TGOLN2: variants seen among roughly 807,000 people sequenced by gnomAD.
TGOLN2 encodes the protein trans-Golgi network integral membrane protein 2.
A neutral mutation model predicts 31.3 loss-of-function variants in TGOLN2; 19 were observed. The observed-to-expected ratio is 0.61, with a 90% CI of 0.42 to 0.89. The LOEUF is 0.89. Ranked by LOEUF, TGOLN2 falls within the 40% of genes least tolerant of loss-of-function variation. The pLI, the probability that TGOLN2 is intolerant of heterozygous loss-of-function variation, is 0.00. For missense variants in TGOLN2, 540 were observed against 559.2 expected, an observed-to-expected ratio of 0.97 and a Z score of 0.35; for synonymous variants, 222 against 226.7, an observed-to-expected ratio of 0.98 and a Z score of 0.19.
chr2:85,326,778 A>G lies in TGOLN2; in HGVS notation c.954T>C (p.Thr318=), dbSNP rs1682748052. ...CAGCCTCTTTGGGCTCCACATCCTC[A>G]GTAGGCTCTGAAGACTTAACTTCCT... ...PQEEVKSSEP[T]EDVEPKEAED... The change falls in exon 2 of 4, where the codon ACT becomes ACC. Residue 318 remains threonine (T), a synonymous_variant. Coordinates refer to ENST00000377386, the MANE Select transcript of TGOLN2 (RefSeq NM_006464.4). 3.1e-6 allele frequency: 5 copies of G among 1,613,860 alleles called. No homozygotes were observed. The highest frequency in any genetic ancestry group is 1.3e-5 in the African/African-American group (1 of 74,904).
chr2:85,327,794 G>A (rs1385560096), intron 1 of TGOLN2, 109 bp from the exon 2 acceptor site: 2 of 1,427,460 alleles, frequency 1.4e-6, no homozygotes, highest in Non-Finnish European at 1.9e-6. Context: ...GGGGGGTGGG[G>A]CGGGAGACGA....
rs1061782 is a variant in TGOLN2 at position 85,319,492 on chromosome 2, C to T, written c.*3244G>A. 88,929 of 151,874 alleles carry T rather than the reference C, an allele frequency of 0.59. 26,725 individuals carry two copies. Among genetic ancestry groups the T allele is most frequent in the East Asian group, 0.96 (4,953 of 5,162 alleles). 9.4% of individuals were successfully genotyped at this position (151,874 alleles called of 1,614,324 possible). ...GCCCGGCCTTTCTTCAGTGCAATTT[C>T]TAAAGAGAAACTTAAATCCTGTTGT... On this transcript the variant is annotated 3_prime_UTR_variant, in exon 4 of 4. Coordinates refer to ENST00000377386, the MANE Select transcript of TGOLN2 (RefSeq NM_006464.4).
In TGOLN2 at chr2:85,327,003, C is replaced by A; in HGVS notation, c.729G>T (p.Gln243His). Residue 243 changes from glutamine (Q) to histidine (H), a missense_variant, in exon 2 of 4, where the codon CAG (glutamine) becomes CAT (histidine). Physicochemically the swap from Gln to His is conservative, Grantham distance 24. Transcript: ENST00000377386. ...CCTTGTTAGGGCTGTCTTTTGAGGT[C>A]TGCTCCTCCGCACCCGACTTGCTGG... is the stretch of plus-strand genomic sequence containing the variant. ...DGPSKSGAEE[Q>H]TSKDSPNKVV... 1 of 1,614,030 alleles carries A rather than the reference C, an allele frequency of 6.2e-7. No homozygotes were observed.
chr2:85,327,184 C>G lies in TGOLN2; in HGVS notation c.548G>C (p.Gly183Ala). The stretch of plus-strand genomic sequence containing the variant: ...GTCTTTTGGGGTCTGGCCGTCCGCA[C>G]CCGACTTATTAGGGACATCTTTTGT... The part of the protein sequence containing the change: ...QTTKDVPNKS[G>A]ADGQTPKDGS... Residue 183 changes from glycine to alanine, a missense_variant, in exon 2 of 4, where the codon GGT (glycine) becomes GCT (alanine). Gly to Ala is a moderately conservative substitution (Grantham distance 60). Coordinates refer to ENST00000377386, the MANE Select transcript of TGOLN2 (RefSeq NM_006464.4). 1 of 1,612,990 alleles carries G rather than the reference C, an allele frequency of 6.2e-7. No individual in the cohort carries two copies. Among genetic ancestry groups the G allele is most frequent in the South Asian group, 1.1e-5 (1 of 91,006 alleles).
intron 2 of TGOLN2, among the ~76,000 whole-genome samples, chr2:85,325,396 C>T (rs1241469547): frequency 3.9e-5 from 6 of 152,154 alleles, no homozygotes; most frequent in East Asian, 1.9e-4. Context: ...CACGATGCTA[C>T]ATCAACTACA....
Position 85,322,649 on chromosome 2 carries a change from C to T in TGOLN2, c.*87G>A, listed in dbSNP as rs781500123. ...ACAAATCAGCAGGGAGGACAAGGTT[C>T]TCAAGGACAAAAAAATCAAAGCTGA... On this transcript the variant is annotated 3_prime_UTR_variant, in exon 4 of 4. Coordinates refer to ENST00000377386, the MANE Select transcript of TGOLN2 (RefSeq NM_006464.4). 20 of 1,597,772 alleles carry T rather than the reference C, an allele frequency of 1.3e-5. No homozygotes were observed. The highest frequency in any genetic ancestry group is 1.5e-5 in the Non-Finnish European group (18 of 1,175,526).
rs1294872914 is a variant in TGOLN2, at chr2:85,322,709, C to G, written c.*27G>C. 1 of 1,611,808 alleles carries G rather than the reference C, an allele frequency of 6.2e-7. No homozygotes were observed. ...AGCACAATCCATTGGTGACGTTCAT[C>G]TTTTTCCAGAGGAATATACCATTCT... On this transcript the variant is annotated 3_prime_UTR_variant, in exon 4 of 4. Coordinates refer to ENST00000377386, the MANE Select transcript of TGOLN2 (RefSeq NM_006464.4).
intron 2 of TGOLN2, among the ~76,000 whole-genome samples, 199 bp downstream of exon 2, chr2:85,326,309 C>CA (rs1311533678): frequency 6.6e-6 from 1 of 152,178 alleles, no homozygotes; most frequent in African/African-American, 2.4e-5. Flanking sequence ...AGAGGACACT[C>CA]AGAGTAAACA....
Position 85,326,813 on chromosome 2 carries a change from G to C in TGOLN2, c.919C>G (p.Pro307Ala), listed in dbSNP as rs1302099315. 6 of 1,613,942 alleles carry C rather than the reference G, an allele frequency of 3.7e-6. No homozygotes were observed. Among genetic ancestry groups the C allele is most frequent in the Non-Finnish European group, 5.1e-6 (6 of 1,179,908 alleles). ...GAAGACTTAACTTCCTCCTGCGGGGGAGAAATGAGGTCAGTTTCCTCCCCA... is the reference window on the plus strand; with the variant it reads ...GAAGACTTAACTTCCTCCTGCGGGGCAGAAATGAGGTCAGTTTCCTCCCCA... ...ESGEETDLISPPQEEVKSSEP... is the reference protein window; with the variant it reads ...ESGEETDLISAPQEEVKSSEP... Residue 307 changes from proline (P) to alanine (A), a missense_variant, in exon 2 of 4, where the codon CCC becomes GCC. Pro to Ala is a conservative substitution (Grantham distance 27). Coordinates refer to ENST00000377386, the MANE Select transcript of TGOLN2 (RefSeq NM_006464.4).
chr2:85,326,880 A>G lies in TGOLN2; in HGVS notation c.852T>C (p.Ala284=). 3.1e-6 allele frequency: 5 copies of G among 1,614,032 alleles called. No homozygotes were observed. Among genetic ancestry groups the G allele is most frequent in the Non-Finnish European group, 4.2e-6 (5 of 1,179,894 alleles). ...CATGAGGAGAAAGCTTCCCTTTGTC[A>G]GCAAGCTGGTTTGTGTCAGCCTTGG... ...ELPKADTNQL[A]DKGKLSPHAF... Residue 284 remains alanine (A), a synonymous_variant, in exon 2 of 4, where the codon GCT becomes GCC. Coordinates refer to ENST00000377386, the MANE Select transcript of TGOLN2 (RefSeq NM_006464.4).
At position 85,320,557 on chromosome 2, in the gene TGOLN2, G is replaced by A. The variant is rs1052216839; in HGVS notation, c.*2179C>T. ...TGTCCTAGACAGTTGGGAGGGACAGGCTGATGGACAGAAGAGAGAAATTCC... is the reference window on the plus strand; with the variant it reads ...TGTCCTAGACAGTTGGGAGGGACAGACTGATGGACAGAAGAGAGAAATTCC... On this transcript the variant is annotated 3_prime_UTR_variant, in exon 4 of 4. Coordinates refer to ENST00000377386, the MANE Select transcript of TGOLN2 (RefSeq NM_006464.4). 1.3e-5 allele frequency: 2 copies of A among 152,200 alleles called. No individual in the cohort carries two copies. The highest frequency in any genetic ancestry group is 1.5e-5 in the Non-Finnish European group (1 of 68,054). 9.4% of individuals were successfully genotyped at this position (152,200 alleles called of 1,614,324 possible). A position where few individuals can be genotyped will look rare whatever the true frequency, so the allele number is the denominator to read the frequency against.
In TGOLN2 at chr2:85,327,680, C is replaced by T. The variant is rs752055657; in HGVS notation, c.52G>A (p.Val18Met). 3 of 1,609,650 alleles carry T rather than the reference C, an allele frequency of 1.9e-6. No homozygotes were observed. The highest frequency in any genetic ancestry group is 2.2e-5 in the East Asian group (1 of 44,718). The change falls in exon 2 of 4, where the codon GTG becomes ATG. Residue 18 changes from valine (V) to methionine (M), a missense_variant. Physicochemically the swap from Val to Met is conservative, Grantham distance 21. Transcript: ENST00000377386. ...ACGCTTTCGGTGGCCAAGAGCGGCA[C>T]GGCTCCTGAAATAGAAAAACGAGTT... is the stretch of plus-strand genomic sequence containing the variant. ...VLLNVAAAGA[V>M]PLLATESVKQ...
Position 85,326,599 on chromosome 2 carries a change from C to T in TGOLN2, c.1133G>A (p.Gly378Asp), listed in dbSNP as rs1682739489. Reference protein sequence around the residue: ...DDLYPNGSGNGSAESSHFFAY... With the variant: ...DDLYPNGSGNDSAESSHFFAY... Reference sequence around the variant, plus strand: ...AAAGAAGTGGCTGCTCTCCGCGCTGCCATTTCCAGAACCGTTCGGATAAAG... The same window carrying T: ...AAAGAAGTGGCTGCTCTCCGCGCTGTCATTTCCAGAACCGTTCGGATAAAG... Residue 378 changes from glycine (G) to aspartate (D), a missense_variant, in exon 2 of 4, where the codon GGC becomes GAC. Gly to Asp is a moderately conservative substitution (Grantham distance 94). Coordinates refer to ENST00000377386, the MANE Select transcript of TGOLN2 (RefSeq NM_006464.4). The T allele has an allele frequency of 1.2e-6, 2 of 1,613,888 alleles. No homozygotes were observed. The highest frequency in any genetic ancestry group is 1.7e-6 in the Non-Finnish European group (2 of 1,179,910).
Position 85,322,326 on chromosome 2 carries a change from A to C in TGOLN2, c.*410T>G. Reference sequence around the variant, plus strand: ...GAGTGCAATGCCACAGTCAAGGACCAACTTTCCTACAGAGCCCGGGCCCCA... The same window carrying C: ...GAGTGCAATGCCACAGTCAAGGACCCACTTTCCTACAGAGCCCGGGCCCCA... On this transcript the variant is annotated 3_prime_UTR_variant, in exon 4 of 4. Transcript: ENST00000377386. The C allele has an allele frequency of 6.9e-6, 2 of 290,916 alleles. No homozygotes were observed. The highest frequency in any genetic ancestry group is 6.9e-5 in the South Asian group (2 of 28,986). The allele number at this position is 290,916 out of a possible 1,614,324, so 18.0% of individuals were successfully genotyped here.
In TGOLN2 at chr2:85,326,759, C is replaced by T. The variant is rs757664282; in HGVS notation, c.973G>A (p.Glu325Lys). Residue 325 changes from glutamate (E) to lysine (K), a missense_variant, in exon 2 of 4, where the codon GAG (glutamate) becomes AAG (lysine). Transcript: ENST00000377386. ...SEPTEDVEPK[E>K]AEDDDTGPEE... ...GGTCCTGTATCATCATCTTCAGCCTCTTTGGGCTCCACATCCTCAGTAGGC... is the reference window on the plus strand; with the variant it reads ...GGTCCTGTATCATCATCTTCAGCCTTTTTGGGCTCCACATCCTCAGTAGGC... The T allele has an allele frequency of 6.2e-7, 1 of 1,614,050 alleles. No individual in the cohort carries two copies. The highest frequency in any genetic ancestry group is 1.1e-5 in the South Asian group (1 of 91,086).
Position 85,319,598 on chromosome 2 carries a change from G to A in TGOLN2, c.*3138C>T, listed in dbSNP as rs771000261. 3.9e-5 allele frequency: 6 copies of A among 152,102 alleles called. No individual in the cohort carries two copies. The highest frequency in any genetic ancestry group is 2.1e-4 in the South Asian group (1 of 4,816). The allele number at this position is 152,102 out of a possible 1,614,324, so 9.4% of individuals were successfully genotyped here. On this transcript the variant is annotated 3_prime_UTR_variant, in exon 4 of 4. Transcript: ENST00000377386. ...GTGGACTCCGTGACAAAATGTACGC[G>A]TCCACTGCCGACCCTCTTGGTTTCT...
Position 85,327,238 on chromosome 2 carries a change from G to T in TGOLN2, c.494C>A (p.Pro165His). The change falls in exon 2 of 4, where the codon CCT (proline) becomes CAT (histidine). Residue 165 changes from proline (P) to histidine (H), a missense_variant. Pro to His is a moderately conservative substitution (Grantham distance 77, BLOSUM62 -2). Transcript: ENST00000377386. ...CTGCGCCTCCGAACCTGACTTGCTAGGGCTGTCTTTTTGGGTCTTTGCCTC... is the reference window on the plus strand; with the variant it reads ...CTGCGCCTCCGAACCTGACTTGCTATGGCTGTCTTTTTGGGTCTTTGCCTC... ...GAEAKTQKDSPSKSGSEAQTT... is the reference protein window; with the variant it reads ...GAEAKTQKDSHSKSGSEAQTT... 1 of 1,613,864 alleles carries T rather than the reference G, an allele frequency of 6.2e-7. No individual in the cohort carries two copies.
chr2:85,322,565 C>A lies in TGOLN2; in HGVS notation c.*171G>T. On this transcript the variant is annotated 3_prime_UTR_variant, in exon 4 of 4. Transcript: ENST00000377386. ...GCCAGCCCAGACCCGCCACTAAATT[C>A]TAGAGGAGGGTGTCTCTCAGGTCAC... 2.1e-6 allele frequency: 3 copies of A among 1,427,516 alleles called. No individual in the cohort carries two copies. Among genetic ancestry groups the A allele is most frequent in the Non-Finnish European group, 2.8e-6 (3 of 1,070,808 alleles). The allele number at this position is 1,427,516 out of a possible 1,614,324, so 88.4% of individuals were successfully genotyped here. A position where few individuals can be genotyped will look rare whatever the true frequency, so the allele number is the denominator to read the frequency against.
In TGOLN2 at chr2:85,324,777, C is replaced by T. The variant is rs919302012; in HGVS notation, c.1308+138G>A. 1.9e-5 allele frequency: 14 copies of T among 754,780 alleles called. No homozygotes were observed. The Middle Eastern group carries it at 1.1e-3, about 59-fold the overall frequency. 46.8% of individuals were successfully genotyped at this position (754,780 alleles called of 1,614,324 possible). A position where few individuals can be genotyped will look rare whatever the true frequency, so the allele number is the denominator to read the frequency against. On this transcript the variant is annotated intron_variant, in intron 3 of 3. Transcript: ENST00000377386. The stretch of plus-strand genomic sequence containing the variant: ...TTTCTAGTTTGTTGTCTAAAAAGGG[C>T]GAATGCAACAGCAACAGCAACCGCA...
Sources: gnomAD v4.1 joint callset for allele counts (sites outside exome capture counted in the v4.1 genomes callset) on GRCh38, gnomAD v4.1.1 for gene constraint, MANE v1.5 for transcripts, NCBI Gene and HGNC (gene_info 2026-07-23, HGNC 2026-07-21) for gene names.